The following CA6 variants were observed in gnomAD, a reference collection of about 807,000 sequenced individuals.
CA6 encodes carbonate dehydratase VI.
A neutral mutation model predicts 35.9 loss-of-function variants in CA6; 28 were observed. The observed-to-expected ratio is 0.78, with a 90% confidence interval of 0.58 to 1.07. The LOEUF is 1.07. Among genes scored for constraint, CA6 ranks in the 50% least tolerant of loss-of-function variants. The pLI, the probability that CA6 is intolerant of heterozygous loss-of-function variation, is 0.00. For synonymous variants in CA6, 148 were observed against 152.6 expected (o/e 0.97, Z 0.22); for missense variants, 377 against 382.0 (o/e 0.99, Z 0.11).
intron 6 of CA6, among the ~76,000 whole-genome samples, chr1:8,969,802 C>T (rs1557632757): frequency 6.6e-6 from 1 of 151,986 alleles, no homozygotes; most frequent in Non-Finnish European, 1.5e-5. Flanking sequence ...TTAACAGCCA[C>T]AGTGAAAGTC....
chr1:8,972,333 G>A (rs574224937), intron 7 of CA6, among the ~76,000 whole-genome samples: 22 of 151,820 alleles, frequency 1.4e-4, no homozygotes, highest in South Asian at 4.2e-4. Flanking sequence ...TTATAAGCAC[G>A]AGCCACCTCG....
intron 6 of CA6, among the ~76,000 whole-genome samples, chr1:8,968,388 C>T (rs531838194): frequency 1.7e-3 from 259 of 151,990 alleles, no homozygotes; most frequent in Non-Finnish European, 3.2e-3. Flanking sequence ...CTGACAAAAG[C>T]AAATGGTAAA....
chr1:8,958,208 C>A (rs1252990034), intron 3 of CA6, among the ~76,000 whole-genome samples: 1 of 151,826 alleles, frequency 6.6e-6, no homozygotes, highest in East Asian at 1.9e-4. Context: ...TGCTCTTTTG[C>A]CCAGGCTGGA....
intron 7 of CA6, among the ~76,000 whole-genome samples, chr1:8,972,560 TACTGGGGAGGCTGAG>T (rs1640137807): frequency 2.6e-5 from 4 of 152,004 alleles, no homozygotes; most frequent in African/African-American, 7.2e-5. Context: ...TAGTCCCAGC[TACTGGGGAGGCTGAG>T]ACTGGGGAGG....
intron 2 of CA6, among the ~76,000 whole-genome samples, chr1:8,956,907 C>G (rs527612052): frequency 6.6e-6 from 1 of 152,178 alleles, no homozygotes; most frequent in East Asian, 1.9e-4. Context: ...AGGCACTTGC[C>G]CAGCCTGGTT....
At chr1:8,956,528 C>T (rs189232151) in intron 2 of CA6, among the ~76,000 whole-genome samples, 245 of 152,142 alleles carry the variant, frequency 1.6e-3, no homozygotes, top group African/African-American at 5.5e-3. Context: ...GGCATGGTGG[C>T]GGGCACCTGT....
chr1:8,955,726 A>G (rs1288562569), intron 2 of CA6, among the ~76,000 whole-genome samples: 1 of 142,108 alleles, frequency 7.0e-6, no homozygotes, highest in Non-Finnish European at 1.6e-5. Flanking sequence ...AATACAGAGC[A>G]TTTGTTCTGC....
chr1:8,951,863 C>T (rs779662221), intron 2 of CA6: 3 of 252,780 alleles, frequency 1.2e-5, no homozygotes, highest in Non-Finnish European at 2.2e-5. Flanking sequence ...TCTGTCACCC[C>T]GGCTGGAGTG....
chr1:8,967,062 A>G (rs779307064), intron 5 of CA6, among the ~76,000 whole-genome samples: 2 of 152,108 alleles, frequency 1.3e-5, no homozygotes, highest in African/African-American at 2.4e-5. Flanking sequence ...GCCCCAAGCA[A>G]TCCTCCCGCC....
At chr1:8,961,823 A>G (rs941302693) in intron 4 of CA6, among the ~76,000 whole-genome samples, 1 of 152,134 alleles carries the variant, frequency 6.6e-6, no homozygotes, top group African/African-American at 2.4e-5. Flanking sequence ...GTGTTGGGGG[A>G]ATTGTAGTCG....
chr1:8,954,389 T>C (rs1315701493), intron 2 of CA6, among the ~76,000 whole-genome samples: 1 of 152,130 alleles, frequency 6.6e-6, no homozygotes, highest in Non-Finnish European at 1.5e-5. Flanking sequence ...GGTCTTGAAC[T>C]CCTGACCTCA....
chr1:8,954,217 G>A (rs976471291), intron 2 of CA6, among the ~76,000 whole-genome samples: 3 of 149,938 alleles, frequency 2.0e-5, no homozygotes. Context: ...TGAGGCTGGA[G>A]TGCAGTGGTG....
In CA6 at chr1:8,962,531, C is replaced by G. The variant is rs551134670; in HGVS notation, c.502-56C>G. ...GAAAGCTGAGTGGCTGGATTAGTAG[C>G]GATGGTGCTGGGGCCTCTTCTTCAC... On this transcript the variant is annotated intron_variant, in intron 4 of 7. Transcript: ENST00000377443. 4 of 1,390,990 alleles carry G rather than the reference C, an allele frequency of 2.9e-6. No individual in the cohort carries two copies. The Admixed American group carries it at 5.0e-5, about 17-fold the overall frequency. The allele number at this position is 1,390,990 out of a possible 1,614,324, so 86.2% of individuals were successfully genotyped here.
chr1:8,970,183 C>T (rs1166052087), intron 6 of CA6, among the ~76,000 whole-genome samples: 2 of 125,532 alleles, frequency 1.6e-5, no homozygotes, highest in Admixed American at 1.1e-4. Flanking sequence ...TCCAGCCTGG[C>T]GACAGAGCGA....
rs117372194 is a variant in CA6 at position 8,963,587 on chromosome 1, G to T, written c.571+931G>T. ...GACATGGTCTTGGTCTGTTGCATAGGCTGGGGTGCAATGGCGCGATCATGG... is the reference window on the plus strand; with the variant it reads ...GACATGGTCTTGGTCTGTTGCATAGTCTGGGGTGCAATGGCGCGATCATGG... On this transcript the variant is annotated intron_variant, in intron 5 of 7. Transcript: ENST00000377443. This position sits in a 1 kb window ranked among gnomAD's most constrained non-coding sequence, Gnocchi z 4.1. Among the ~76,000 whole-genome samples the T allele has an allele frequency of 4.6e-5, 7 of 152,296 alleles. No homozygotes were observed. In the East Asian group the frequency reaches 1.3e-3, roughly 29 times the overall value.
At chr1:8,962,709 G>T in intron 5 of CA6, 53 bp downstream of exon 5, 1 of 1,502,636 alleles carries the variant, frequency 6.7e-7, no homozygotes, top group South Asian at 1.1e-5. Context: ...GTGTGAGTGT[G>T]AGTGTGAGGT....
At chr1:8,955,577 G>A (rs545917634) in intron 2 of CA6, among the ~76,000 whole-genome samples, 2 of 130,646 alleles carry the variant, frequency 1.5e-5, no homozygotes, top group African/African-American at 5.9e-5. Flanking sequence ...CGGGTCCTCA[G>A]CTCCTCGGCT....
chr1:8,974,678 G>A lies in CA6; in HGVS notation c.901G>A (p.Asp301Asn). 6.2e-7 allele frequency: 1 copy of A among 1,603,560 alleles called. No individual in the cohort carries two copies. Among genetic ancestry groups the A allele is most frequent in the Non-Finnish European group, 8.5e-7 (1 of 1,173,872 alleles). ...FYLHKIEEIL[D>N]YLRRALN ...CCTACATAAGATTGAGGAAATTCTT[G>A]ACTACTTAAGAAGAGCATTGAACTG... is the stretch of plus-strand genomic sequence containing the variant. Residue 301 changes from aspartate (D) to asparagine (N), a missense_variant, in exon 8 of 8, where the codon GAC becomes AAC. Coordinates refer to ENST00000377443, the MANE Select transcript of CA6 (RefSeq NM_001215.4).
intron 3 of CA6, among the ~76,000 whole-genome samples, chr1:8,957,904 G>T (rs1639733414): frequency 6.6e-6 from 1 of 151,992 alleles, no homozygotes; most frequent in African/African-American, 2.4e-5. Context: ...GCTGCAGTAA[G>T]TCCTGATCAT....
Sources: gnomAD v4.1 joint callset for allele counts (sites outside exome capture counted in the v4.1 genomes callset) on GRCh38, gnomAD v4.1.1 for gene constraint, Gnocchi (gnomAD v3.1) non-coding constraint, MANE v1.5 for transcripts, NCBI Gene and HGNC (gene_info 2026-07-23, HGNC 2026-07-21) for gene names.